OXR1: variants seen among roughly 807,000 people sequenced by gnomAD.
OXR1 encodes the protein oxidation resistance protein 1.
In OXR1, 41 loss-of-function variants were observed where a neutral mutation model predicts 104.6. The observed-to-expected ratio is 0.39, with a 90% CI of 0.31 to 0.51. OXR1 has a LOEUF of 0.51. Ranked by LOEUF, OXR1 falls within the 20% of genes least tolerant of loss-of-function variation. The pLI, the probability that OXR1 is intolerant of heterozygous loss-of-function variation, is 0.77. For missense variants in OXR1, 955 were observed against 1,031.9 expected (o/e 0.93, Z 1.02); for synonymous variants, 348 against 348.4 (o/e 1.00, Z 0.01).
chr8:106,736,026 A>G (rs915383585), intron 11 of OXR1, among the ~76,000 whole-genome samples: 2 of 152,188 alleles, frequency 1.3e-5, no homozygotes, highest in Non-Finnish European at 2.9e-5. Flanking sequence ...TCTCATTAAT[A>G]TGTTCTGGGC....
chr8:106,585,905 A>G (rs1237342794), intron 3 of OXR1, among the ~76,000 whole-genome samples: 2 of 152,220 alleles, frequency 1.3e-5, no homozygotes, highest in African/African-American at 4.8e-5. Flanking sequence ...AGAGTGAACA[A>G]CAGGAGAATA....
At chr8:106,536,502 A>G (rs980293127) in intron 3 of OXR1, among the ~76,000 whole-genome samples, 2 of 152,172 alleles carry the variant, frequency 1.3e-5, no homozygotes, top group Non-Finnish European at 2.9e-5. Context: ...ATAGTTGCCA[A>G]AGGGAAATTG....
At chr8:106,485,270 C>A (rs1810573841) in intron 2 of OXR1, among the ~76,000 whole-genome samples, 1 of 152,016 alleles carries the variant, frequency 6.6e-6, no homozygotes, top group Non-Finnish European at 1.5e-5. Context: ...TTCTTCCAAA[C>A]CCATAGATGT....
At chr8:106,468,897 A>G (rs901410805) in intron 2 of OXR1, among the ~76,000 whole-genome samples, 1 of 151,664 alleles carries the variant, frequency 6.6e-6, no homozygotes, top group Non-Finnish European at 1.5e-5. Context: ...AAGATAGCTC[A>G]TGAAAATCAA....
At chr8:106,652,589 A>T (rs1311131156) in intron 3 of OXR1, among the ~76,000 whole-genome samples, 1 of 151,946 alleles carries the variant, frequency 6.6e-6, no homozygotes, top group Admixed American at 6.6e-5. Context: ...AGTACAATAT[A>T]CCAAAATTTG....
At chr8:106,410,054 A>G (rs540673757) in intron 2 of OXR1, among the ~76,000 whole-genome samples, 264 of 152,140 alleles carry the variant, frequency 1.7e-3, no homozygotes, top group Non-Finnish European at 2.9e-3. Context: ...CAAAATCTCA[A>G]TCTGAAAACT....
intron 3 of OXR1, among the ~76,000 whole-genome samples, chr8:106,557,268 T>G (rs1251345357): frequency 6.6e-6 from 1 of 152,202 alleles, no homozygotes; most frequent in African/African-American, 2.4e-5. Flanking sequence ...CCATTTTCAT[T>G]TCTTGCTATT....
chr8:106,274,685 C>T lies in OXR1; in HGVS notation c.-139+4318C>T, dbSNP rs527843848. 4.1e-5 allele frequency among the ~76,000 whole-genome samples: 6 copies of T among 144,912 alleles called. No homozygotes were observed. In the South Asian group the frequency reaches 1.4e-3, roughly 33 times the overall value. Reference sequence around the variant, plus strand: ...TTCTAGGTGGAATGGGGATTTGTACCTGTCTTGGAAAAAGGCAGTGGGGAG... The same window carrying T: ...TTCTAGGTGGAATGGGGATTTGTACTTGTCTTGGAAAAAGGCAGTGGGGAG... On this transcript the variant is annotated intron_variant, in intron 1 of 16. Transcript: ENST00000517566.
intron 2 of OXR1, among the ~76,000 whole-genome samples, chr8:106,492,371 G>C (rs772949280): frequency 6.6e-6 from 1 of 152,136 alleles, no homozygotes; most frequent in African/African-American, 2.4e-5. Flanking sequence ...CTAAAACTTC[G>C]GGTAAAGTGT....
At chr8:106,510,445 C>G (rs1375405576) in intron 2 of OXR1, among the ~76,000 whole-genome samples, 1 of 152,072 alleles carries the variant, frequency 6.6e-6, no homozygotes, top group Non-Finnish European at 1.5e-5. Context: ...TATAAACAAA[C>G]CAGCTGGCAA....
intron 3 of OXR1, among the ~76,000 whole-genome samples, chr8:106,554,081 C>T (rs2130438192): frequency 6.6e-6 from 1 of 152,190 alleles, no homozygotes; most frequent in South Asian, 2.1e-4. Context: ...TGCTGGAGAC[C>T]CTCACCATAA....
intron 3 of OXR1, among the ~76,000 whole-genome samples, chr8:106,661,796 G>A (rs1462264337): frequency 6.6e-6 from 1 of 151,956 alleles, no homozygotes; most frequent in Non-Finnish European, 1.5e-5. Context: ...TTAAGACTTG[G>A]TCCATTTATT....
At chr8:106,530,788 A>G (rs1049501915) in intron 3 of OXR1, among the ~76,000 whole-genome samples, 6 of 152,190 alleles carry the variant, frequency 3.9e-5, no homozygotes, top group African/African-American at 1.4e-4. Context: ...TTTTGTGATC[A>G]TCTGAACAAA....
chr8:106,666,780 A>G (rs932490252), intron 3 of OXR1, among the ~76,000 whole-genome samples: 1 of 152,154 alleles, frequency 6.6e-6, no homozygotes, highest in African/African-American at 2.4e-5. Flanking sequence ...AGGTAATCAG[A>G]TATCCAGGAT....
intron 1 of OXR1, among the ~76,000 whole-genome samples, chr8:106,288,386 G>A (rs748011163): frequency 2.6e-5 from 4 of 152,036 alleles, no homozygotes; most frequent in African/African-American, 4.8e-5. Flanking sequence ...CCACAGAGGA[G>A]CAACATCAGG....
intron 3 of OXR1, among the ~76,000 whole-genome samples, chr8:106,649,777 A>G (rs1360318013): frequency 6.6e-6 from 1 of 151,948 alleles, no homozygotes; most frequent in Admixed American, 6.6e-5. Context: ...GCTCACTGCA[A>G]CCTCTGCCTC....
At chr8:106,735,786 C>T (rs948770240) in intron 11 of OXR1, among the ~76,000 whole-genome samples, 3 of 151,792 alleles carry the variant, frequency 2.0e-5, no homozygotes, top group African/African-American at 7.3e-5. Flanking sequence ...TTATTGAAAT[C>T]CTATTGTTCT....
At chr8:106,464,291 T>C (rs1206184758) in intron 2 of OXR1, among the ~76,000 whole-genome samples, 1 of 152,024 alleles carries the variant, frequency 6.6e-6, no homozygotes, top group Non-Finnish European at 1.5e-5. Context: ...ATATTTTTAT[T>C]CTTATTTTGT....
At chr8:106,325,789 T>C (rs189027465) in intron 1 of OXR1, among the ~76,000 whole-genome samples, 68 of 152,338 alleles carry the variant, frequency 4.5e-4, no homozygotes, top group Middle Eastern at 3.4e-3. Flanking sequence ...TTTATGCAAA[T>C]ATGCATAGAT....
Sources: allele counts gnomAD v4.1 joint callset (sites outside exome capture counted in the v4.1 genomes callset), GRCh38; gene constraint gnomAD v4.1.1; transcripts MANE v1.5; gene names NCBI Gene and HGNC (gene_info 2026-07-23, HGNC 2026-07-21).